The following NETO1 variants were observed in gnomAD, a reference collection of about 807,000 sequenced individuals.
The protein encoded by NETO1 is neuropilin and tolloid-like protein 1.
Under a neutral mutation model 61.3 loss-of-function variants are expected in NETO1, and 26 were observed. The observed-to-expected ratio is 0.42, with a 90% CI of 0.31 to 0.59. NETO1 has a LOEUF of 0.59. Among genes scored for constraint, NETO1 ranks in the 20% least tolerant of loss-of-function variants. NETO1 has a pLI of 0.12. For missense variants in NETO1, 531 were observed against 662.8 expected (o/e 0.80, Z 2.18); for synonymous variants, 225 against 225.8 (o/e 1.00, Z 0.03).
At chr18:72,864,694 G>T in intron 3 of NETO1, 114 bp downstream of exon 3, 2 of 1,324,944 alleles carry the variant, frequency 1.5e-6, no homozygotes, top group Admixed American at 4.5e-5. Flanking sequence ...ATATTTTTGC[G>T]CATGATCTCC....
intron 4 of NETO1, among the ~76,000 whole-genome samples, chr18:72,846,798 C>A (rs1401023940): frequency 6.6e-6 from 1 of 152,166 alleles, no homozygotes; most frequent in Non-Finnish European, 1.5e-5. Flanking sequence ...AAGACCAGTT[C>A]ATTTTATGCC....
At position 72,783,901 on chromosome 18, in the gene NETO1, G is replaced by A. The variant is rs370904846; in HGVS notation, c.645C>T (p.Tyr215=). The change falls in exon 7 of 11, where the codon TAC becomes TAT. Residue 215 remains tyrosine (Y), a synonymous_variant. Transcript: ENST00000327305. ...YIRAPPRSKI[Y]LRFLDYEMQN... ...GCATCTCATAGTCCAAGAATCGTAA[G>A]TAAATCTATAAAACAAAAATAAAAT... The A allele has an allele frequency of 3.8e-5, 61 of 1,607,510 alleles. No homozygotes were observed. In the Middle Eastern group the frequency reaches 6.6e-4, roughly 17 times the overall value.
intron 7 of NETO1, among the ~76,000 whole-genome samples, chr18:72,759,528 C>T (rs2070900561): frequency 6.6e-6 from 1 of 152,144 alleles, no homozygotes; most frequent in African/African-American, 2.4e-5. Context: ...AAAAGGTTAA[C>T]TCTGACTGGG....
chr18:72,810,361 G>GA (rs1373423769), intron 4 of NETO1, among the ~76,000 whole-genome samples: 2 of 152,134 alleles, frequency 1.3e-5, no homozygotes, highest in Non-Finnish European at 2.9e-5. Context: ...TTCTGCCTCT[G>GA]AAAGAATTAT....
chr18:72,799,006 T>C (rs2072413883), intron 4 of NETO1, among the ~76,000 whole-genome samples: 1 of 152,180 alleles, frequency 6.6e-6, no homozygotes, highest in South Asian at 2.1e-4. Flanking sequence ...AACAAAAACA[T>C]AATGAACAGA....
chr18:72,745,154 C>T lies in NETO1; in HGVS notation c.*3025G>A, dbSNP rs887002213. ...CACTGATCTCCAATTATGTGGACAGCCACATTTTGGTTACAAAATCAAATT... is the reference window on the plus strand; with the variant it reads ...CACTGATCTCCAATTATGTGGACAGTCACATTTTGGTTACAAAATCAAATT... On this transcript the variant is annotated 3_prime_UTR_variant, in exon 11 of 11. Coordinates refer to ENST00000327305, the MANE Select transcript of NETO1 (RefSeq NM_138966.5). 2.6e-5 allele frequency: 4 copies of T among 152,168 alleles called. No individual in the cohort carries two copies. Among genetic ancestry groups the T allele is most frequent in the Admixed American group, 6.6e-5 (1 of 15,262 alleles). 9.4% of individuals were successfully genotyped at this position (152,168 alleles called of 1,614,324 possible).
chr18:72,865,632 G>A lies in NETO1; in HGVS notation c.29-391C>T, dbSNP rs747248676. The A allele has an allele frequency of 2.5e-6, 4 of 1,593,170 alleles. No individual in the cohort carries two copies. In the Admixed American group the frequency reaches 7.0e-5, roughly 28 times the overall value. ...AAGAGAGGGGCCAGAAGGTAAAAAG[G>A]AGGAAAAGGAGAGGCAAACAATGAG... On this transcript the variant is annotated intron_variant, in intron 1 of 10. Coordinates refer to ENST00000327305, the MANE Select transcript of NETO1 (RefSeq NM_138966.5).
At chr18:72,835,092 A>G in intron 4 of NETO1, 1 of 1,120,500 alleles carries the variant, frequency 8.9e-7, no homozygotes, top group Non-Finnish European at 1.1e-6. Flanking sequence ...GTTTCAAGGT[A>G]GGAGTTCTAA....
At chr18:72,798,106 C>G (rs866198661) in intron 4 of NETO1, among the ~76,000 whole-genome samples, 1 of 152,166 alleles carries the variant, frequency 6.6e-6, no homozygotes, top group Admixed American at 6.5e-5. Context: ...GGATGGGTTC[C>G]CCAACCAGCT....
intron 4 of NETO1, among the ~76,000 whole-genome samples, chr18:72,854,223 T>G (rs2074347011): frequency 6.6e-6 from 1 of 152,178 alleles, no homozygotes; most frequent in Non-Finnish European, 1.5e-5. Context: ...AGGTGCTATT[T>G]AAGTACAAAA....
At chr18:72,856,876 T>A (rs1330582027) in intron 4 of NETO1, among the ~76,000 whole-genome samples, 1 of 152,254 alleles carries the variant, frequency 6.6e-6, no homozygotes, top group Non-Finnish European at 1.5e-5. Flanking sequence ...TGAATGACAC[T>A]ACTAAATAAA....
chr18:72,763,442 C>T (rs2071046335), intron 7 of NETO1, among the ~76,000 whole-genome samples: 1 of 152,130 alleles, frequency 6.6e-6, no homozygotes, highest in South Asian at 2.1e-4. Context: ...TTGTTCTCTT[C>T]AGACATTCTT....
chr18:72,855,711 A>T (rs1304076561), intron 4 of NETO1, among the ~76,000 whole-genome samples: 2 of 152,198 alleles, frequency 1.3e-5, no homozygotes, highest in Non-Finnish European at 2.9e-5. Context: ...ATAGAAAAAA[A>T]ATTCTGGCGA....
intron 7 of NETO1, among the ~76,000 whole-genome samples, chr18:72,763,524 T>C (rs2071048737): frequency 6.6e-6 from 1 of 152,136 alleles, no homozygotes; most frequent in African/African-American, 2.4e-5. Flanking sequence ...AGCTCTGTGC[T>C]GGCCTGTGTG....
intron 4 of NETO1, among the ~76,000 whole-genome samples, chr18:72,850,890 A>C (rs181369377): frequency 6.6e-6 from 1 of 152,288 alleles, no homozygotes; most frequent in East Asian, 1.9e-4. Flanking sequence ...CATTCCATAA[A>C]ACAACATTTT....
At chr18:72,857,633 C>T (rs1055086468) in intron 4 of NETO1, among the ~76,000 whole-genome samples, 1 of 152,166 alleles carries the variant, frequency 6.6e-6, no homozygotes, top group African/African-American at 2.4e-5. Flanking sequence ...ATTTACAACT[C>T]TAGCACTAAT....
chr18:72,820,695 G>A (rs974714290), intron 4 of NETO1, among the ~76,000 whole-genome samples: 1 of 152,208 alleles, frequency 6.6e-6, no homozygotes, highest in South Asian at 2.1e-4. Context: ...ACGAGGATGA[G>A]CGGCATCCAT....
chr18:72,841,626 CAGGAGGCTGAGGCAAG>C (rs1394969093), intron 4 of NETO1, among the ~76,000 whole-genome samples: 2 of 143,306 alleles, frequency 1.4e-5, no homozygotes, highest in African/African-American at 5.2e-5. Context: ...CCCAGCTACT[CAGGAGGCTGAGGCAAG>C]AGAATTGCTT....
chr18:72,781,804 A>G (rs578212237), intron 7 of NETO1, among the ~76,000 whole-genome samples: 1 of 152,346 alleles, frequency 6.6e-6, no homozygotes, highest in African/African-American at 2.4e-5. Context: ...ACAAAAATGC[A>G]TAGTTGTGAA....
Sources: allele counts gnomAD v4.1 joint callset (sites outside exome capture counted in the v4.1 genomes callset), GRCh38; gene constraint gnomAD v4.1.1; transcripts MANE v1.5; gene names NCBI Gene and HGNC (gene_info 2026-07-23, HGNC 2026-07-21).